The following MBIP variants were observed in gnomAD, a reference collection of about 807,000 sequenced individuals.
MBIP encodes MAP3K12-binding inhibitory protein 1.
MBIP carries 32 observed loss-of-function variants against 45.7 expected under a neutral mutation model. That is an observed-to-expected ratio of 0.70 (90% CI 0.53 to 0.94). The LOEUF (loss-of-function observed/expected upper bound fraction) is 0.94, where lower values mean the gene tolerates loss of function less well. Ranked by LOEUF, MBIP falls within the 40% of genes least tolerant of loss-of-function variation. The pLI, the probability that MBIP is intolerant of heterozygous loss-of-function variation, is 0.00. For synonymous variants in MBIP, 145 were observed against 141.0 expected (o/e 1.03, Z -0.20); for missense variants, 381 against 405.5 (o/e 0.94, Z 0.52).
intron 2 of MBIP, 135 bp downstream of exon 2, chr14:36,316,557 TA>T: frequency 1.2e-6 from 1 of 815,158 alleles, no homozygotes. Context: ...AGATTTAGAT[TA>T]AATCCGGATG....
At chr14:36,307,681 T>G (rs1012048982) in intron 7 of MBIP, among the ~76,000 whole-genome samples, 1 of 152,168 alleles carries the variant, frequency 6.6e-6, no homozygotes, top group Non-Finnish European at 1.5e-5. Context: ...TAGTATTAAC[T>G]GCATATGAGC....
intron 4 of MBIP, chr14:36,313,760 T>C (rs1880358241): frequency 6.6e-6 from 1 of 152,130 alleles, no homozygotes; most frequent in Non-Finnish European, 1.5e-5. Context: ...TCATAATAAT[T>C]AGCCATGAGA....
intron 1 of MBIP, among the ~76,000 whole-genome samples, chr14:36,318,517 C>T (rs185768938): frequency 2.0e-5 from 3 of 151,914 alleles, no homozygotes; most frequent in East Asian, 3.9e-4. Context: ...ACCACTCACT[C>T]GAAAATCTCT....
chr14:36,315,561 A>G (rs1880517710), intron 2 of MBIP, among the ~76,000 whole-genome samples: 1 of 152,010 alleles, frequency 6.6e-6, no homozygotes, highest in African/African-American at 2.4e-5. Context: ...AAAAAAAAAG[A>G]TCTATAGCTG....
chr14:36,299,028 G>GT lies in MBIP; in HGVS notation c.*54dup. The stretch of plus-strand genomic sequence containing the variant: ...ATATATCCGTTGAATTAATAACAGT[G>GT]TAAGTTACACATATGTATACAAAAA... On this transcript the variant is annotated 3_prime_UTR_variant, in exon 9 of 9. Transcript: ENST00000416007. The GT allele has an allele frequency of 8.3e-7, 1 of 1,208,430 alleles. No homozygotes were observed. The allele number at this position is 1,208,430 out of a possible 1,614,324, so 74.9% of individuals were successfully genotyped here.
intron 8 of MBIP, among the ~76,000 whole-genome samples, chr14:36,300,554 T>A (rs1879480017): frequency 6.6e-6 from 1 of 152,358 alleles, no homozygotes. Flanking sequence ...CACATCCTTG[T>A]ACTACTAAAA....
chr14:36,314,889 C>G lies in MBIP; in HGVS notation c.276G>C (p.Pro92=). 1.2e-6 allele frequency: 2 copies of G among 1,612,782 alleles called. No individual in the cohort carries two copies. The highest frequency in any genetic ancestry group is 2.7e-5 in the African/African-American group (2 of 74,930). Residue 92 remains proline, a synonymous_variant, in exon 3 of 9, where the codon CCG becomes CCC. Transcript: ENST00000416007. ...LQPFLAKLQS[P]IKEENTTAVE... ...CAGCAGTTGTATTCTCCTCTTTAAT[C>G]GGAGACTGAAGTTTTGCTAAAAAAG...
At chr14:36,313,916 C>T (rs1361158097) in intron 4 of MBIP, 1 of 152,072 alleles carries the variant, frequency 6.6e-6, no homozygotes, top group African/African-American at 2.4e-5. Context: ...CTGCAGCATA[C>T]TTGCAGATTT....
intron 1 of MBIP, among the ~76,000 whole-genome samples, chr14:36,317,598 A>G (rs1358406080): frequency 6.6e-6 from 1 of 152,112 alleles, no homozygotes; most frequent in African/African-American, 2.4e-5. Flanking sequence ...TCATATCCAG[A>G]AAACTACCAA....
intron 5 of MBIP, 112 bp downstream of exon 5, chr14:36,311,847 C>A: frequency 1.7e-6 from 2 of 1,168,468 alleles, no homozygotes; most frequent in South Asian, 1.7e-5. Context: ...TGAAGGACGG[C>A]AAGATGTTTT....
intron 7 of MBIP, among the ~76,000 whole-genome samples, chr14:36,302,098 G>C (rs1253110639): frequency 6.6e-6 from 1 of 152,258 alleles, no homozygotes; most frequent in East Asian, 1.9e-4. Flanking sequence ...CTGGATACCT[G>C]TGGTAGGGCC....
chr14:36,315,603 G>A (rs757235829), intron 2 of MBIP, among the ~76,000 whole-genome samples: 5 of 151,828 alleles, frequency 3.3e-5, no homozygotes, highest in Non-Finnish European at 7.4e-5. Flanking sequence ...CTATACTACA[G>A]GGGGAAAACC....
At chr14:36,316,666 G>T in intron 2 of MBIP, 27 bp downstream of exon 2, 1 of 1,584,688 alleles carries the variant, frequency 6.3e-7, no homozygotes. Flanking sequence ...TTCAATATCG[G>T]GTTATCATTT....
chr14:36,298,902 A>G lies in MBIP; in HGVS notation c.*181T>C, dbSNP rs149882078. 9.2e-5 allele frequency: 42 copies of G among 454,608 alleles called. No individual in the cohort carries two copies. The East Asian group carries it at 1.3e-3, about 14-fold the overall frequency. 28.2% of individuals were successfully genotyped at this position (454,608 alleles called of 1,614,324 possible). On this transcript the variant is annotated 3_prime_UTR_variant, in exon 9 of 9. Coordinates refer to ENST00000416007, the MANE Select transcript of MBIP (RefSeq NM_016586.3). Reference sequence around the variant, plus strand: ...CAACAATGCTATTTTCAATGCATTCATTATTTCAAAACTTACTGGAATATT... The same window carrying G: ...CAACAATGCTATTTTCAATGCATTCGTTATTTCAAAACTTACTGGAATATT...
At chr14:36,316,039 A>G (rs1362648260) in intron 2 of MBIP, among the ~76,000 whole-genome samples, 1 of 152,178 alleles carries the variant, frequency 6.6e-6, no homozygotes, top group Non-Finnish European at 1.5e-5. Flanking sequence ...TCAATTAGAA[A>G]CCAGCAAGGT....
At chr14:36,313,622 C>T (rs1335697993) in intron 4 of MBIP, 1 of 152,062 alleles carries the variant, frequency 6.6e-6, no homozygotes, top group Non-Finnish European at 1.5e-5. Context: ...TAGAGATGCA[C>T]ATGTGTAATG....
At chr14:36,311,550 G>A (rs2139221401) in intron 6 of MBIP, 23 bp downstream of exon 6, 3 of 1,573,372 alleles carry the variant, frequency 1.9e-6, no homozygotes, top group Middle Eastern at 1.7e-4. Flanking sequence ...TCATTATGAG[G>A]TGCCACTTAG....
chr14:36,317,509 C>T (rs1380546929), intron 1 of MBIP, among the ~76,000 whole-genome samples: 1 of 152,034 alleles, frequency 6.6e-6, no homozygotes, highest in African/African-American at 2.4e-5. Context: ...GATGAAATGT[C>T]CAGATCTTTT....
chr14:36,319,200 TA>T (rs1465909791), intron 1 of MBIP, among the ~76,000 whole-genome samples: 1 of 152,164 alleles, frequency 6.6e-6, no homozygotes, highest in East Asian at 1.9e-4. Flanking sequence ...CAGGTGAGAA[TA>T]AACTTTTTTC....
Sources: allele counts gnomAD v4.1 joint callset (sites outside exome capture counted in the v4.1 genomes callset), GRCh38; gene constraint gnomAD v4.1.1; transcripts MANE v1.5; gene names NCBI Gene and HGNC (gene_info 2026-07-23, HGNC 2026-07-21).